FRMPD1: variants seen among roughly 807,000 people sequenced by gnomAD.
FRMPD1 encodes the protein FERM and PDZ domain containing 1, also known as FERM and PDZ domain-containing protein 1.
In FRMPD1, 76 loss-of-function variants were observed where a neutral mutation model predicts 117.8. The observed-to-expected ratio is 0.65, with a 90% confidence interval of 0.54 to 0.78. The LOEUF is 0.78. Among genes scored for constraint, FRMPD1 ranks in the 30% least tolerant of loss-of-function variants. The pLI is 0.00. For missense variants in FRMPD1, 1,786 were observed against 1,964.5 expected (o/e 0.91, Z 1.72); for synonymous variants, 783 against 770.4 (o/e 1.02, Z -0.27).
intron 5 of FRMPD1, among the ~76,000 whole-genome samples, chr9:37,714,610 ATTTTATTTTATTTTGTTTTG>A (rs1273467607): frequency 6.4e-5 from 6 of 93,934 alleles, no homozygotes; most frequent in African/African-American, 2.6e-4. Flanking sequence ...ATTTTATTTT[ATTTTATTTTATTTTGTTTTG>A]TTTTATTTTA....
chr9:37,727,827 G>A (rs998747822), intron 7 of FRMPD1: 4 of 152,106 alleles, frequency 2.6e-5, no homozygotes, highest in Non-Finnish European at 4.4e-5. Context: ...GTGGAGAGAG[G>A]GCTCCGAATC....
chr9:37,722,318 A>AG (rs1482537666), intron 6 of FRMPD1, among the ~76,000 whole-genome samples: 9 of 151,930 alleles, frequency 5.9e-5, no homozygotes, highest in Admixed American at 4.6e-4. Context: ...AAAAAAAAAA[A>AG]AGAGAGAGAT....
chr9:37,688,492 A>G (rs1563932219), intron 1 of FRMPD1, among the ~76,000 whole-genome samples: 2 of 152,036 alleles, frequency 1.3e-5, no homozygotes, highest in Non-Finnish European at 2.9e-5. Flanking sequence ...GACAATATAC[A>G]TCCAAATTCT....
chr9:37,743,692 G>C (rs1159377639), intron 15 of FRMPD1, among the ~76,000 whole-genome samples: 2 of 151,448 alleles, frequency 1.3e-5, no homozygotes, highest in African/African-American at 4.9e-5. Flanking sequence ...TTGAGATGCT[G>C]TGACCAAAAG....
chr9:37,683,818 A>G (rs962394247), intron 1 of FRMPD1, among the ~76,000 whole-genome samples: 5 of 145,232 alleles, frequency 3.4e-5, no homozygotes, highest in Non-Finnish European at 7.4e-5. Context: ...AACGACAGGT[A>G]ATACAATTCT....
chr9:37,744,559 C>A lies in FRMPD1; in HGVS notation c.2527C>A (p.Gln843Lys), dbSNP rs530823132. The change falls in exon 16 of 16, where the codon CAG (glutamine) becomes AAG (lysine). Residue 843 changes from glutamine (Q) to lysine (K), a missense_variant. Transcript: ENST00000377765. ...CCTGAGGAAAAGAAGGTCTTTCCTACAGACCGACTACACCTCTCAGGTCTC... is the reference window on the plus strand; with the variant it reads ...CCTGAGGAAAAGAAGGTCTTTCCTAAAGACCGACTACACCTCTCAGGTCTC... ...KTLRKRRSFL[Q>K]TDYTSQVSFP... is the part of the protein sequence containing the mutation. The A allele has an allele frequency of 6.2e-7, 1 of 1,614,128 alleles. No homozygotes were observed. The highest frequency in any genetic ancestry group is 2.2e-5 in the East Asian group (1 of 44,868).
At chr9:37,684,933 T>G (rs998167911) in intron 1 of FRMPD1, among the ~76,000 whole-genome samples, 1 of 152,080 alleles carries the variant, frequency 6.6e-6, no homozygotes. Flanking sequence ...TTTTTTATTT[T>G]CAGTACACAC....
intron 1 of FRMPD1, among the ~76,000 whole-genome samples, chr9:37,676,260 T>C (rs1821524813): frequency 6.6e-6 from 1 of 152,194 alleles, no homozygotes; most frequent in African/African-American, 2.4e-5. Context: ...AGCATGCTTC[T>C]GTGGCCAGTT....
chr9:37,746,751 G>C lies in FRMPD1; in HGVS notation c.4719G>C (p.Arg1573=). Residue 1573 remains arginine, a synonymous_variant, in exon 16 of 16, where the codon CGG becomes CGC. Coordinates refer to ENST00000377765, the MANE Select transcript of FRMPD1 (RefSeq NM_014907.3). Reference sequence around the variant, plus strand: ...TGTTCTGTTTGACCCAGAAGTTCCGGGCATCCACGGCCCTGTAAACAGGTC... The same window carrying C: ...TGTTCTGTTTGACCCAGAAGTTCCGCGCATCCACGGCCCTGTAAACAGGTC... ...AAVFCLTQKF[R]ASTAL The C allele has an allele frequency of 6.2e-7, 1 of 1,613,872 alleles. No individual in the cohort carries two copies. The highest frequency in any genetic ancestry group is 8.5e-7 in the Non-Finnish European group (1 of 1,179,934).
chr9:37,638,365 G>A, the FRMPD1 span, among the ~76,000 whole-genome samples: 7 of 152,082 alleles, frequency 4.6e-5, no homozygotes, highest in African/African-American at 1.2e-4. Flanking sequence ...GAGCCACTGC[G>A]TCTGGCCTGG....
rs568272395 is a variant in FRMPD1, at chr9:37,741,079, A to T, written c.2356+195A>T. The T allele has an allele frequency of 1.8e-4, 108 of 593,158 alleles. No homozygotes were observed. The African/African-American group carries it at 1.9e-3, about 10-fold the overall frequency. The allele number at this position is 593,158 out of a possible 1,614,324, so 36.7% of individuals were successfully genotyped here. A position where few individuals can be genotyped will look rare whatever the true frequency, so the allele number is the denominator to read the frequency against. Reference sequence around the variant, plus strand: ...GCAGGCCTGCAAGGGAGGTTCAGACAACTGTGGCAAGCAGATGGGAGGGAT... The same window carrying T: ...GCAGGCCTGCAAGGGAGGTTCAGACTACTGTGGCAAGCAGATGGGAGGGAT... On this transcript the variant is annotated intron_variant, in intron 15 of 15. Transcript: ENST00000377765.
At chr9:37,699,903 GCA>G (rs747728128) in intron 2 of FRMPD1, among the ~76,000 whole-genome samples, 20 of 147,928 alleles carry the variant, frequency 1.4e-4, no homozygotes, top group South Asian at 4.3e-4. Context: ...ATGCATGCAC[GCA>G]CACACACACA....
the FRMPD1 span, chr9:37,637,096 G>T: frequency 6.3e-7 from 1 of 1,580,548 alleles, no homozygotes; most frequent in Non-Finnish European, 8.7e-7. Flanking sequence ...ACCGTTCCTG[G>T]CCCGCCGTGT....
chr9:37,638,968 G>A, the FRMPD1 span, among the ~76,000 whole-genome samples: 5 of 152,100 alleles, frequency 3.3e-5, no homozygotes, highest in African/African-American at 7.2e-5. Flanking sequence ...GTAATTTTTC[G>A]TAGCACTCCC....
chr9:37,734,793 A>G (rs2118421121), intron 12 of FRMPD1, among the ~76,000 whole-genome samples: 1 of 152,182 alleles, frequency 6.6e-6, no homozygotes, highest in South Asian at 2.1e-4. Context: ...TAAGTAGAAG[A>G]CCCAAAAGGT....
intron 1 of FRMPD1, among the ~76,000 whole-genome samples, chr9:37,672,549 G>A (rs10120945): frequency 0.26 from 39,836 of 152,080 alleles, 6,961 homozygotes; most frequent in African/African-American, 0.48. Context: ...GGTAGGTACT[G>A]TTGTTACTGG....
chr9:37,651,073 G>C lies in FRMPD1; in HGVS notation c.-26G>C, dbSNP rs1182235697. The C allele has an allele frequency of 6.6e-6, 1 of 152,194 alleles. No individual in the cohort carries two copies. The highest frequency in any genetic ancestry group is 1.5e-5 in the Non-Finnish European group (1 of 68,064). 9.4% of individuals were successfully genotyped at this position (152,194 alleles called of 1,614,324 possible). A position where few individuals can be genotyped will look rare whatever the true frequency, so the allele number is the denominator to read the frequency against. ...GTCAGCCCGCTAGGTCCTTGTCCGC[G>C]CGGGCGGCACCTCCTCTGCAGGTAA... is the stretch of plus-strand genomic sequence containing the variant. On this transcript the variant is annotated 5_prime_UTR_variant, in exon 1 of 16. Transcript: ENST00000377765.
chr9:37,639,991 C>A, the FRMPD1 span, among the ~76,000 whole-genome samples: 1 of 152,310 alleles, frequency 6.6e-6, no homozygotes, highest in Non-Finnish European at 1.5e-5. Flanking sequence ...CTCAGTCAGG[C>A]CAAGTAGATG....
chr9:37,623,987 C>T, the FRMPD1 span, among the ~76,000 whole-genome samples: 1 of 152,204 alleles, frequency 6.6e-6, no homozygotes, highest in South Asian at 2.1e-4. Context: ...GCATATGGTT[C>T]GGGGCCCCAG....
Sources: allele counts gnomAD v4.1 joint callset (sites outside exome capture counted in the v4.1 genomes callset), GRCh38; gene constraint gnomAD v4.1.1; transcripts MANE v1.5; gene names NCBI Gene and HGNC (gene_info 2026-07-23, HGNC 2026-07-21).